The following CALN1 variants were observed in gnomAD, a reference collection of about 807,000 sequenced individuals.
The protein encoded by CALN1 is calneuron 1, also known as calcium-binding protein 8.
CALN1 carries 17 observed loss-of-function variants against 30.6 expected under a neutral mutation model. That is an observed-to-expected ratio of 0.56 (90% CI 0.38 to 0.83). The LOEUF (loss-of-function observed/expected upper bound fraction) is 0.83. Ranked by LOEUF, CALN1 falls within the 40% of genes least tolerant of loss-of-function variation. CALN1 has a pLI of 0.00. For missense variants in CALN1, 291 were observed against 354.9 expected (o/e 0.82, Z 1.45); for synonymous variants, 156 against 131.4 (o/e 1.19, Z -1.28).
At chr7:71,969,690 G>A (rs561304343) in intron 5 of CALN1, among the ~76,000 whole-genome samples, 1 of 152,206 alleles carries the variant, frequency 6.6e-6, no homozygotes, top group Non-Finnish European at 1.5e-5. Flanking sequence ...TCCCGGAGAA[G>A]AGAAAGAGAG....
At chr7:71,889,029 G>A (rs1793083381) in intron 5 of CALN1, among the ~76,000 whole-genome samples, 1 of 152,242 alleles carries the variant, frequency 6.6e-6, no homozygotes, top group African/African-American at 2.4e-5. Context: ...CAGCTACACA[G>A]AACAGAAAAT....
chr7:72,170,468 A>G (rs1788859223), intron 3 of CALN1, among the ~76,000 whole-genome samples: 1 of 152,218 alleles, frequency 6.6e-6, no homozygotes, highest in South Asian at 2.1e-4. Flanking sequence ...TTGCAAAACA[A>G]TCTTCAAAAA....
chr7:72,446,249 A>G (rs1278022764), intron 1 of CALN1, among the ~76,000 whole-genome samples: 1 of 152,194 alleles, frequency 6.6e-6, no homozygotes, highest in Non-Finnish European at 1.5e-5. Context: ...AAACAAATCA[A>G]TGAAGGATTT....
At chr7:72,157,879 G>A (rs1787818375) in intron 3 of CALN1, among the ~76,000 whole-genome samples, 1 of 152,146 alleles carries the variant, frequency 6.6e-6, no homozygotes, top group Non-Finnish European at 1.5e-5. Flanking sequence ...GAGTAGCTGG[G>A]ATTACAGGCA....
chr7:71,853,950 G>A (rs1790793688), intron 5 of CALN1, among the ~76,000 whole-genome samples: 1 of 152,036 alleles, frequency 6.6e-6, no homozygotes, highest in African/African-American at 2.4e-5. Context: ...GTTCTGTTCA[G>A]GAAACCTTTG....
intron 3 of CALN1, among the ~76,000 whole-genome samples, chr7:72,157,653 A>G (rs138347967): frequency 1.3e-5 from 2 of 152,336 alleles, no homozygotes; most frequent in East Asian, 3.9e-4. Flanking sequence ...AGAAGTGGAA[A>G]TGGAGGGACA....
At chr7:72,263,870 A>C (rs931491037) in intron 3 of CALN1, among the ~76,000 whole-genome samples, 1 of 152,180 alleles carries the variant, frequency 6.6e-6, no homozygotes, top group African/African-American at 2.4e-5. Flanking sequence ...TCAAGGATGA[A>C]ACAAATTCCC....
At chr7:72,272,046 A>G (rs954423505) in intron 3 of CALN1, among the ~76,000 whole-genome samples, 3 of 139,822 alleles carry the variant, frequency 2.1e-5, no homozygotes, top group Admixed American at 1.5e-4. Flanking sequence ...TGGGTGACAC[A>G]GCAAGATTCT....
chr7:71,899,469 A>G (rs1793732930), intron 5 of CALN1, among the ~76,000 whole-genome samples: 1 of 152,158 alleles, frequency 6.6e-6, no homozygotes, highest in Non-Finnish European at 1.5e-5. Flanking sequence ...AATGCCAAGA[A>G]ATGCTAACAA....
At chr7:72,197,385 A>C (rs1203176666) in intron 3 of CALN1, among the ~76,000 whole-genome samples, 1 of 151,812 alleles carries the variant, frequency 6.6e-6, no homozygotes, top group Non-Finnish European at 1.5e-5. Flanking sequence ...TATTTTTAGT[A>C]GAGACGGGGT....
At chr7:71,867,593 C>G (rs541514491) in intron 5 of CALN1, among the ~76,000 whole-genome samples, 7 of 152,066 alleles carry the variant, frequency 4.6e-5, no homozygotes, top group Non-Finnish European at 7.3e-5. Flanking sequence ...TGCCACCATG[C>G]CCAGCTAATT....
chr7:72,444,998 A>G (rs146134442), intron 1 of CALN1, among the ~76,000 whole-genome samples: 100 of 152,032 alleles, frequency 6.6e-4, no homozygotes, highest in African/African-American at 2.2e-3. Flanking sequence ...CCAGATCTAA[A>G]CAAACTCCAC....
intron 4 of CALN1, among the ~76,000 whole-genome samples, chr7:72,076,611 CAAAAAAAAAAAAAAAAAAA>C (rs572245834): frequency 2.0e-3 from 12 of 6,120 alleles, no homozygotes; most frequent in South Asian, 0.011. Context: ...AAAAAAAAAG[CAAAAAAAAAAAAAAAAAAA>C]AAAAAAAAAA....
At chr7:72,454,685 C>T in the CALN1 span, among the ~76,000 whole-genome samples, 1 of 152,178 alleles carries the variant, frequency 6.6e-6, no homozygotes, top group Non-Finnish European at 1.5e-5. Flanking sequence ...CACTTCAGAT[C>T]ATCGTCCTAC....
intron 5 of CALN1, among the ~76,000 whole-genome samples, chr7:71,828,565 C>CCATCTGTCT (rs150015596): frequency 0.037 from 5,622 of 151,946 alleles, 362 homozygotes; most frequent in African/African-American, 0.13. Context: ...AAGAATGCAA[C>CCATCTGTCT]CATCTGTCTC....
At chr7:72,381,945 G>GT (rs1330890894) in intron 2 of CALN1, among the ~76,000 whole-genome samples, 3 of 152,174 alleles carry the variant, frequency 2.0e-5, no homozygotes, top group African/African-American at 7.2e-5. Flanking sequence ...TGCTTAAGAA[G>GT]TTTTTTCCTG....
chr7:71,822,720 T>C (rs964548614), intron 5 of CALN1, among the ~76,000 whole-genome samples: 5 of 152,242 alleles, frequency 3.3e-5, no homozygotes, highest in African/African-American at 1.2e-4. Context: ...TTTTCTTGTA[T>C]GTAATAAGAT....
At chr7:71,854,841 C>T (rs1381615489) in intron 5 of CALN1, among the ~76,000 whole-genome samples, 1 of 152,158 alleles carries the variant, frequency 6.6e-6, no homozygotes, top group Admixed American at 6.5e-5. Flanking sequence ...TAATGTGAAG[C>T]CAAGCTTAAT....
intron 3 of CALN1, among the ~76,000 whole-genome samples, chr7:72,143,089 C>T (rs771230068): frequency 3.2e-4 from 48 of 152,202 alleles, no homozygotes; most frequent in Non-Finnish European, 5.4e-4. Context: ...CAAAGGAATG[C>T]AGCTCCTCAC....
Sources: gnomAD v4.1 joint callset for allele counts (sites outside exome capture counted in the v4.1 genomes callset) on GRCh38, gnomAD v4.1.1 for gene constraint, MANE v1.5 for transcripts, NCBI Gene and HGNC (gene_info 2026-07-23, HGNC 2026-07-21) for gene names.